Variants in BBS9 observed in about 807,000 individuals in gnomAD.
BBS9 encodes the protein Bardet-Biedl syndrome 9, also known as protein PTHB1.
BBS9 carries 89 observed loss-of-function variants against 117.7 expected under a neutral mutation model. The ratio of observed to expected loss-of-function variants is 0.76; its 90% confidence interval spans 0.64 to 0.90. The LOEUF (loss-of-function observed/expected upper bound fraction) is 0.90. Among genes scored for constraint, BBS9 ranks in the 40% least tolerant of loss-of-function variants. The pLI, the probability that BBS9 is intolerant of heterozygous loss-of-function variation, is 0.00. For missense variants in BBS9, 982 were observed against 1,042.2 expected (o/e 0.94, Z 0.80); for synonymous variants, 379 against 370.9 (o/e 1.02, Z -0.25).
exon 22 of BBS9, among the ~76,000 whole-genome samples, chr7:33,635,310 C>T (rs1356366688): frequency 6.6e-6 from 1 of 152,194 alleles, no homozygotes; most frequent in African/African-American, 2.4e-5. Flanking sequence ...ATGGTTAAAA[C>T]TGGGACAGGC....
chr7:33,416,253 G>T (rs1463823767), intron 19 of BBS9, among the ~76,000 whole-genome samples: 1 of 151,356 alleles, frequency 6.6e-6, no homozygotes, highest in Non-Finnish European at 1.5e-5. Flanking sequence ...TTTCCTCATG[G>T]TGAGAACAGG....
At chr7:33,374,855 C>A (rs1369662128) in intron 17 of BBS9, among the ~76,000 whole-genome samples, 1 of 133,772 alleles carries the variant, frequency 7.5e-6, no homozygotes, top group South Asian at 2.4e-4. Flanking sequence ...GAGCCGAGGT[C>A]ATGCCATTGC....
At chr7:33,422,541 C>G (rs1833014594) in intron 19 of BBS9, among the ~76,000 whole-genome samples, 2 of 152,134 alleles carry the variant, frequency 1.3e-5, no homozygotes, top group African/African-American at 4.8e-5. Flanking sequence ...AGTTGCCCAA[C>G]TTTTCCTGCT....
At chr7:33,248,086 G>A (rs1795644841) in intron 5 of BBS9, among the ~76,000 whole-genome samples, 1 of 152,126 alleles carries the variant, frequency 6.6e-6, no homozygotes, top group Non-Finnish European at 1.5e-5. Flanking sequence ...CAAGTTCATA[G>A]GAGAAGTTAA....
At chr7:33,410,616 T>C (rs1249479128) in intron 19 of BBS9, among the ~76,000 whole-genome samples, 1 of 152,170 alleles carries the variant, frequency 6.6e-6, no homozygotes, top group Non-Finnish European at 1.5e-5. Flanking sequence ...TTCCCAACTT[T>C]CCTGCTGTCC....
At chr7:33,321,971 C>T (rs1811819756) in intron 9 of BBS9, among the ~76,000 whole-genome samples, 2 of 151,898 alleles carry the variant, frequency 1.3e-5, no homozygotes, top group African/African-American at 4.8e-5. Flanking sequence ...CAGCATCAAT[C>T]GAAATGATCA....
Position 33,257,282 on chromosome 7 carries a change from A to G in BBS9, c.489A>G (p.Val163=). ...AGTCTATGGATGGGATGCTGATGGT[A>G]TTTGAGCAGGAGAGCTATGCTTTTG... ...CIQSMDGMLM[V]FEQESYAFGR... is the part of the protein sequence containing the mutation. The change falls in exon 6 of 23, where the codon GTA becomes GTG. Residue 163 remains valine (V), a synonymous_variant. Transcript: ENST00000242067. The G allele has an allele frequency of 1.2e-6, 2 of 1,613,882 alleles. No homozygotes were observed. The highest frequency in any genetic ancestry group is 1.7e-6 in the Non-Finnish European group (2 of 1,179,834).
intron 4 of BBS9, among the ~76,000 whole-genome samples, chr7:33,167,057 A>G (rs1159918878): frequency 6.6e-6 from 1 of 152,242 alleles, no homozygotes; most frequent in Admixed American, 6.5e-5. Flanking sequence ...CTCTTCCATG[A>G]TGAGTCATAG....
At chr7:33,463,646 T>A (rs764330276) in intron 19 of BBS9, among the ~76,000 whole-genome samples, 1 of 152,082 alleles carries the variant, frequency 6.6e-6, no homozygotes, top group Admixed American at 6.6e-5. Context: ...GCTAGTACAA[T>A]CGGGTTTATA....
At chr7:33,476,081 G>T (rs1841761883) in intron 19 of BBS9, among the ~76,000 whole-genome samples, 1 of 152,158 alleles carries the variant, frequency 6.6e-6, no homozygotes, top group African/African-American at 2.4e-5. Flanking sequence ...TGTTTTTCAT[G>T]CAAAGGTAGT....
intron 21 of BBS9, among the ~76,000 whole-genome samples, chr7:33,588,348 A>G (rs1213924929): frequency 1.3e-5 from 2 of 152,138 alleles, no homozygotes; most frequent in Non-Finnish European, 2.9e-5. Context: ...ACTGCTTTCC[A>G]ACCTCCCAGC....
intron 17 of BBS9, among the ~76,000 whole-genome samples, chr7:33,382,591 T>C (rs528349916): frequency 1.3e-5 from 2 of 152,306 alleles, no homozygotes; most frequent in African/African-American, 4.8e-5. Context: ...AGTCTCTATA[T>C]AAATTCAGGA....
chr7:33,279,423 A>G (rs1801402910), intron 9 of BBS9, among the ~76,000 whole-genome samples: 2 of 152,060 alleles, frequency 1.3e-5, no homozygotes, highest in African/African-American at 4.8e-5. Context: ...TACTGAAATA[A>G]TTTTTCTCTT....
intron 5 of BBS9, among the ~76,000 whole-genome samples, chr7:33,251,537 C>A (rs1796226102): frequency 6.6e-6 from 1 of 152,074 alleles, no homozygotes; most frequent in South Asian, 2.1e-4. Context: ...GTTAAAGGAT[C>A]TTTGGAGGAA....
downstream of BBS9, among the ~76,000 whole-genome samples, chr7:33,608,939 A>G (rs530341435): frequency 1.5e-4 from 23 of 152,244 alleles, no homozygotes; most frequent in South Asian, 2.7e-3. Flanking sequence ...CCTAAGACCA[A>G]TGTCCAGAAT....
chr7:33,156,716 A>G (rs1335053634), intron 4 of BBS9, among the ~76,000 whole-genome samples: 4 of 152,170 alleles, frequency 2.6e-5, no homozygotes, highest in Non-Finnish European at 5.9e-5. Context: ...GGCAATTGAC[A>G]GTGGCTTTCT....
chr7:33,539,127 A>C (rs1401059004), intron 21 of BBS9, among the ~76,000 whole-genome samples: 1 of 152,362 alleles, frequency 6.6e-6, no homozygotes, highest in South Asian at 2.1e-4. Context: ...GAGTTCAATT[A>C]GAAGAATAAA....
At chr7:33,544,979 A>T (rs1432361990) in intron 21 of BBS9, among the ~76,000 whole-genome samples, 1 of 152,038 alleles carries the variant, frequency 6.6e-6, no homozygotes, top group East Asian at 1.9e-4. Flanking sequence ...AGTGGGGGAA[A>T]GCCAGGAGTC....
chr7:33,545,682 A>C (rs571341624), intron 21 of BBS9, among the ~76,000 whole-genome samples: 2 of 152,220 alleles, frequency 1.3e-5, no homozygotes, highest in South Asian at 4.2e-4. Flanking sequence ...CGGAGCTGCA[A>C]TCTAGTCCTG....
Sources: gnomAD v4.1 joint callset for allele counts (sites outside exome capture counted in the v4.1 genomes callset) on GRCh38, gnomAD v4.1.1 for gene constraint, MANE v1.5 for transcripts, NCBI Gene and HGNC (gene_info 2026-07-23, HGNC 2026-07-21) for gene names.